ERBB4: variants seen among roughly 807,000 people sequenced by gnomAD.
ERBB4 encodes the protein erb-b2 receptor tyrosine kinase 4.
A neutral mutation model predicts 158.0 loss-of-function variants in ERBB4; 42 were observed. The observed-to-expected ratio is 0.27, with a 90% confidence interval of 0.21 to 0.34. The LOEUF is 0.34. Among genes scored for constraint, ERBB4 ranks in the 10% least tolerant of loss-of-function variants. The pLI, the probability that ERBB4 is intolerant of heterozygous loss-of-function variation, is 1.00. For missense variants in ERBB4, 1,333 were observed against 1,624.1 expected (o/e 0.82, Z 3.08); for synonymous variants, 583 against 558.7 (o/e 1.04, Z -0.61).
intron 2 of ERBB4, among the ~76,000 whole-genome samples, chr2:212,101,303 A>G (rs987247086): frequency 2.7e-5 from 4 of 150,248 alleles, no homozygotes; most frequent in African/African-American, 9.8e-5. Flanking sequence ...CTACACTGAA[A>G]TGTGTTTTGC....
At chr2:212,321,088 G>A (rs1227346013) in intron 1 of ERBB4, among the ~76,000 whole-genome samples, 1 of 150,012 alleles carries the variant, frequency 6.7e-6, no homozygotes, top group Non-Finnish European at 1.5e-5. Context: ...GGAAACCGAT[G>A]GTAATCATCT....
Position 212,192,029 on chromosome 2 carries a change from TGTTATATGTTATA to T in ERBB4, c.83-67139_83-67127del, listed in dbSNP as rs1198108212. 1.5e-3 allele frequency among the ~76,000 whole-genome samples: 28 copies of T among 18,164 alleles called. No individual in the cohort carries two copies. The South Asian group carries it at 0.019, about 12-fold the overall frequency. The allele number at this position is 18,164 out of a possible 152,430, so 11.9% of individuals were successfully genotyped here. ...TATAATATATGTTATATGTTATATA[TGTTATATGTTATA>T]TATATGTTATATGTTATATATGTTA... On this transcript the variant is annotated intron_variant, in intron 1 of 27. Coordinates refer to ENST00000342788, the MANE Select transcript of ERBB4 (RefSeq NM_005235.3).
chr2:212,200,605 G>A (rs1474368665), intron 1 of ERBB4, among the ~76,000 whole-genome samples: 1 of 152,102 alleles, frequency 6.6e-6, no homozygotes, highest in Non-Finnish European at 1.5e-5. Context: ...GTTTCACCAC[G>A]TAAATATAAA....
chr2:211,394,830 G>C (rs867461509), intron 25 of ERBB4, among the ~76,000 whole-genome samples: 11 of 152,062 alleles, frequency 7.2e-5, no homozygotes, highest in Non-Finnish European at 1.0e-4. Context: ...AAACCCCACA[G>C]ACCTAGAACA....
intron 1 of ERBB4, among the ~76,000 whole-genome samples, chr2:212,485,135 C>A (rs1382756742): frequency 1.3e-5 from 2 of 152,114 alleles, no homozygotes; most frequent in East Asian, 1.9e-4. Context: ...AAAGAAACAG[C>A]GACCATTTTA....
chr2:211,449,316 T>G (rs1404099355), intron 20 of ERBB4, among the ~76,000 whole-genome samples: 1 of 152,170 alleles, frequency 6.6e-6, no homozygotes, highest in African/African-American at 2.4e-5. Context: ...TTTAACTGTT[T>G]TGTAAAATTT....
At chr2:212,507,978 T>C (rs1380561377) in intron 1 of ERBB4, among the ~76,000 whole-genome samples, 1 of 152,164 alleles carries the variant, frequency 6.6e-6, no homozygotes. Flanking sequence ...GCAAATTTCA[T>C]TGTCTTATAT....
chr2:211,882,440 T>C (rs936372396), intron 3 of ERBB4, among the ~76,000 whole-genome samples: 12 of 152,122 alleles, frequency 7.9e-5, no homozygotes, highest in African/African-American at 2.4e-4. Flanking sequence ...CCCTCATATA[T>C]AGAGATAGCT....
intron 1 of ERBB4, among the ~76,000 whole-genome samples, chr2:212,463,214 G>A (rs539931745): frequency 2.6e-5 from 4 of 151,936 alleles, no homozygotes; most frequent in South Asian, 4.1e-4. Flanking sequence ...TATAGTTAAC[G>A]ACAATTATAT....
At chr2:212,158,361 C>T (rs2081103063) in intron 1 of ERBB4, among the ~76,000 whole-genome samples, 1 of 151,884 alleles carries the variant, frequency 6.6e-6, no homozygotes, top group Admixed American at 6.6e-5. Flanking sequence ...TCCTAATCCC[C>T]AAAGTCCCAC....
At chr2:211,589,416 T>C (rs548468899) in intron 19 of ERBB4, among the ~76,000 whole-genome samples, 33 of 152,100 alleles carry the variant, frequency 2.2e-4, no homozygotes, top group Non-Finnish European at 4.1e-4. Context: ...CTAGTTAACA[T>C]TTCAAAAACA....
Position 211,379,011 on chromosome 2 carries a change from A to T in ERBB4, c.*4604T>A, listed in dbSNP as rs569323667. ...AACAACTAGAAGCTGATGCACATGGATTTCTCATTTGCCCTATAACAATCA... is the reference window on the plus strand; with the variant it reads ...AACAACTAGAAGCTGATGCACATGGTTTTCTCATTTGCCCTATAACAATCA... On this transcript the variant is annotated 3_prime_UTR_variant, in exon 28 of 28. Coordinates refer to ENST00000342788, the MANE Select transcript of ERBB4 (RefSeq NM_005235.3). The T allele has an allele frequency of 4.3e-6, 1 of 231,856 alleles. No individual in the cohort carries two copies. Among genetic ancestry groups the T allele is most frequent in the Admixed American group, 5.6e-5 (1 of 17,728 alleles). The allele number at this position is 231,856 out of a possible 1,614,324, so 14.4% of individuals were successfully genotyped here.
intron 3 of ERBB4, among the ~76,000 whole-genome samples, chr2:211,910,861 A>G (rs2079524817): frequency 6.6e-6 from 1 of 152,164 alleles, no homozygotes; most frequent in Non-Finnish European, 1.5e-5. Context: ...ATAAGTCAAT[A>G]TTATTACATC....
intron 3 of ERBB4, among the ~76,000 whole-genome samples, chr2:211,883,674 T>C (rs1045759784): frequency 4.6e-5 from 7 of 151,958 alleles, no homozygotes; most frequent in Non-Finnish European, 8.8e-5. Context: ...TAATCCCAGG[T>C]ACTTGGGAGG....
chr2:212,193,370 G>C (rs1230689862), intron 1 of ERBB4, among the ~76,000 whole-genome samples: 2 of 152,064 alleles, frequency 1.3e-5, no homozygotes, highest in African/African-American at 4.8e-5. Flanking sequence ...AAAAATGGTG[G>C]GGGAGATGTT....
At chr2:212,015,019 C>T (rs1186376135) in intron 2 of ERBB4, among the ~76,000 whole-genome samples, 1 of 90,590 alleles carries the variant, frequency 1.1e-5, no homozygotes, top group Admixed American at 1.5e-4. Flanking sequence ...GGTGAAACCC[C>T]GTCTCTACTA....
At chr2:212,238,749 A>C (rs1160937392) in intron 1 of ERBB4, among the ~76,000 whole-genome samples, 2 of 152,176 alleles carry the variant, frequency 1.3e-5, no homozygotes, top group Non-Finnish European at 2.9e-5. Flanking sequence ...GAGTTTAAAA[A>C]TTTTAATGGT....
At chr2:212,075,637 TG>T (rs200900438) in intron 2 of ERBB4, among the ~76,000 whole-genome samples, 3,032 of 152,034 alleles carry the variant, frequency 0.02, 50 homozygotes, top group Non-Finnish European at 0.032. Flanking sequence ...AATAATTATA[TG>T]GTTTATAAAT....
At chr2:212,371,537 C>A (rs1053490472) in intron 1 of ERBB4, among the ~76,000 whole-genome samples, 1 of 152,164 alleles carries the variant, frequency 6.6e-6, no homozygotes, top group African/African-American at 2.4e-5. Context: ...AAATCCAATG[C>A]AAGTTCTATT....
Sources: allele counts gnomAD v4.1 joint callset (sites outside exome capture counted in the v4.1 genomes callset), GRCh38; gene constraint gnomAD v4.1.1; transcripts MANE v1.5; gene names NCBI Gene and HGNC (gene_info 2026-07-23, HGNC 2026-07-21).